WNK2: variants seen among roughly 807,000 people sequenced by gnomAD.
WNK2 encodes WNK lysine deficient protein kinase 2, also known as serine/threonine-protein kinase WNK2.
WNK2 carries 67 observed loss-of-function variants against 192.1 expected under a neutral mutation model. The observed-to-expected ratio is 0.35, with a 90% CI of 0.29 to 0.43. The LOEUF (loss-of-function observed/expected upper bound fraction) is 0.43, where lower values mean the gene tolerates loss of function less well. Among genes scored for constraint, WNK2 ranks in the 20% least tolerant of loss-of-function variants. The pLI is 1.00. For missense variants in WNK2, 2,698 were observed against 3,089.7 expected, an observed-to-expected ratio of 0.87 and a Z score of 3.01; for synonymous variants, 1,439 against 1,393.9, an observed-to-expected ratio of 1.03 and a Z score of -0.72.
intron 19 of WNK2, among the ~76,000 whole-genome samples, chr9:93,269,602 T>C (rs558404857): frequency 6.4e-4 from 97 of 152,200 alleles, no homozygotes; most frequent in Non-Finnish European, 9.0e-4. Context: ...GCCTACAAGA[T>C]TGAATTTTTA....
Position 93,308,499 on chromosome 9 carries a change from C to T in WNK2, c.6431C>T (p.Pro2144Leu). 1 of 1,607,142 alleles carries T rather than the reference C, an allele frequency of 6.2e-7. No individual in the cohort carries two copies. The highest frequency in any genetic ancestry group is 8.5e-7 in the Non-Finnish European group (1 of 1,177,510). ...SKTVGAAQLKPTLNQLKQTQK... is the reference protein window; with the variant it reads ...SKTVGAAQLKLTLNQLKQTQK... ...ACGGTGGGGGCCGCGCAGCTGAAGC[C>T]CACGCTCAACCAGCTGAAGCAGACC... Residue 2144 changes from proline to leucine, a missense_variant, in exon 28 of 30, where the codon CCC becomes CTC. This residue lies in a region of WNK2 where 167 missense variants were observed against 184.2 expected (regional missense o/e 0.91). Transcript: ENST00000427277.
At chr9:93,186,628 CG>C (rs1829388089) in intron 2 of WNK2, among the ~76,000 whole-genome samples, 1 of 152,186 alleles carries the variant, frequency 6.6e-6, no homozygotes. Flanking sequence ...GTTCTGGGGC[CG>C]CTGGCCACAC....
chr9:93,272,531 G>T (rs574057684), intron 19 of WNK2, among the ~76,000 whole-genome samples: 1 of 152,256 alleles, frequency 6.6e-6, no homozygotes, highest in Non-Finnish European at 1.5e-5. Flanking sequence ...CTGAGGTCAG[G>T]AGTTTGAGAC....
chr9:93,205,233 T>C (rs1833142913), intron 2 of WNK2, among the ~76,000 whole-genome samples: 1 of 152,166 alleles, frequency 6.6e-6, no homozygotes, highest in South Asian at 2.1e-4. Context: ...CTGTGCACTT[T>C]GGTAGCACCT....
rs1386311193 is a variant in WNK2, at chr9:93,308,245, C to T, written c.6260-83C>T. On this transcript the variant is annotated intron_variant, in intron 27 of 29. Coordinates refer to ENST00000427277, the MANE Select transcript of WNK2 (RefSeq NM_006648.4). ...AGTGAGACCATTGTCTCAGCTGTCA[C>T]GTAAGAATGAATGCGGCCAGCCCAC... 10 of 1,489,816 alleles carry T rather than the reference C, an allele frequency of 6.7e-6. No individual in the cohort carries two copies. The East Asian group carries it at 7.4e-5, about 11-fold the overall frequency. The allele number at this position is 1,489,816 out of a possible 1,614,324, so 92.3% of individuals were successfully genotyped here.
chr9:93,201,885 A>AT (rs895618687), intron 2 of WNK2, among the ~76,000 whole-genome samples: 1 of 152,156 alleles, frequency 6.6e-6, no homozygotes, highest in African/African-American at 2.4e-5. Flanking sequence ...TGAACTGTTT[A>AT]TGGATGGGTT....
At chr9:93,211,607 C>A (rs572583339) in intron 2 of WNK2, among the ~76,000 whole-genome samples, 1 of 150,890 alleles carries the variant, frequency 6.6e-6, no homozygotes, top group Non-Finnish European at 1.5e-5. Flanking sequence ...TCCACTCACT[C>A]ACCCACTCAT....
intron 2 of WNK2, among the ~76,000 whole-genome samples, chr9:93,228,867 T>G (rs1167855914): frequency 6.6e-6 from 1 of 151,718 alleles, no homozygotes; most frequent in African/African-American, 2.4e-5. Flanking sequence ...GAGGGATGGG[T>G]GAGCTCAGAC....
chr9:93,312,916 A>G (rs1285051614), intron 28 of WNK2, among the ~76,000 whole-genome samples: 1 of 152,142 alleles, frequency 6.6e-6, no homozygotes, highest in Non-Finnish European at 1.5e-5. Flanking sequence ...TGCTCCTCAC[A>G]GGATCATTTC....
At chr9:93,213,470 C>G (rs1835142629) in intron 2 of WNK2, among the ~76,000 whole-genome samples, 1 of 152,160 alleles carries the variant, frequency 6.6e-6, no homozygotes, top group South Asian at 2.1e-4. Context: ...TTTGCACTTA[C>G]AAATTCGTTA....
At chr9:93,280,443 T>G (rs1847555848) in intron 19 of WNK2, among the ~76,000 whole-genome samples, 1 of 152,242 alleles carries the variant, frequency 6.6e-6, no homozygotes, top group Admixed American at 6.5e-5. Context: ...GAAAACAGTT[T>G]GTTAATTTCT....
At chr9:93,308,097 C>A in intron 27 of WNK2, 2 of 799,532 alleles carry the variant, frequency 2.5e-6, no homozygotes, top group Non-Finnish European at 3.8e-6. Flanking sequence ...GTCCCCTGGC[C>A]TGGCTTCTGA....
chr9:93,194,156 C>A (rs1830826025), intron 2 of WNK2, among the ~76,000 whole-genome samples: 1 of 152,174 alleles, frequency 6.6e-6, no homozygotes, highest in Non-Finnish European at 1.5e-5. Flanking sequence ...CTAGCTTTGG[C>A]AGTGACTTTA....
rs1841846805 is a variant in WNK2 at position 93,247,089 on chromosome 9, C to T, written c.1543-454C>T. 6.6e-6 allele frequency among the ~76,000 whole-genome samples: 1 copy of T among 152,232 alleles called. No individual in the cohort carries two copies. The highest frequency in any genetic ancestry group is 2.1e-4 in the South Asian group (1 of 4,824). On this transcript the variant is annotated intron_variant, in intron 7 of 29. Coordinates refer to ENST00000427277, the MANE Select transcript of WNK2 (RefSeq NM_006648.4). The surrounding 1 kb of genome is among the most constrained non-coding windows in gnomAD (Gnocchi z 5.2). Reference sequence around the variant, plus strand: ...CCCTAATTACAAAACGCATGTCCTTCCTCCATCTGCAACTCGGGTGTGGCC... The same window carrying T: ...CCCTAATTACAAAACGCATGTCCTTTCTCCATCTGCAACTCGGGTGTGGCC...
At chr9:93,215,255 G>T (rs1320022994) in intron 2 of WNK2, among the ~76,000 whole-genome samples, 2 of 152,050 alleles carry the variant, frequency 1.3e-5, no homozygotes, top group Admixed American at 6.6e-5. Flanking sequence ...AAGATTACAG[G>T]TGCTAGCCAC....
At chr9:93,280,256 T>C (rs948417590) in intron 19 of WNK2, among the ~76,000 whole-genome samples, 78 of 152,264 alleles carry the variant, frequency 5.1e-4, no homozygotes, top group African/African-American at 1.9e-3. Context: ...CAAAGATATG[T>C]GGATGCCAAA....
rs780462394 is a variant in WNK2 at position 93,293,099 on chromosome 9, C to A, written c.5634C>A (p.Ser1878=). The change falls in exon 23 of 30, where the codon TCC becomes TCA. Residue 1878 remains serine, a synonymous_variant. Coordinates refer to ENST00000427277, the MANE Select transcript of WNK2 (RefSeq NM_006648.4). ...ISVTSFHSQS[S]YISSDNDSEL... is the part of the protein sequence containing the mutation. ...TGACCTCCTTCCATTCCCAGTCGTCCTACATCAGCAGCGACAATGATTCGG... is the reference window on the plus strand; with the variant it reads ...TGACCTCCTTCCATTCCCAGTCGTCATACATCAGCAGCGACAATGATTCGG... 1 of 1,603,074 alleles carries A rather than the reference C, an allele frequency of 6.2e-7. No homozygotes were observed. The highest frequency in any genetic ancestry group is 1.7e-4 in the Middle Eastern group (1 of 6,010).
chr9:93,208,741 G>GTTA (rs1833905567), intron 2 of WNK2, among the ~76,000 whole-genome samples: 1 of 4,462 alleles, frequency 2.2e-4, no homozygotes, highest in Non-Finnish European at 2.7e-3. Context: ...TTCTGTGTGT[G>GTTA]TTCATGTGTG....
At chr9:93,213,730 A>G (rs541352053) in intron 2 of WNK2, among the ~76,000 whole-genome samples, 1 of 152,120 alleles carries the variant, frequency 6.6e-6, no homozygotes, top group South Asian at 2.1e-4. Flanking sequence ...CAGAGGTTGC[A>G]GTAAGCCGAG....
Sources: gnomAD v4.1 joint callset for allele counts (sites outside exome capture counted in the v4.1 genomes callset) on GRCh38, gnomAD v4.1.1 for gene constraint, gnomAD v4.1.1 regional missense constraint, Gnocchi (gnomAD v3.1) non-coding constraint, MANE v1.5 for transcripts, NCBI Gene and HGNC (gene_info 2026-07-23, HGNC 2026-07-21) for gene names.